The following B3GAT2 variants were observed in gnomAD, a reference collection of about 807,000 sequenced individuals.
B3GAT2 encodes beta-1,3-glucuronyltransferase 2.
B3GAT2 carries 26 observed loss-of-function variants against 27.8 expected under a neutral mutation model. That is an observed-to-expected ratio of 0.93 (90% confidence interval 0.68 to 1.30). The LOEUF is 1.30. Ranked by LOEUF, B3GAT2 falls within the 50% of genes most tolerant of loss-of-function variation. The pLI is 0.00. For synonymous variants in B3GAT2, 218 were observed against 195.1 expected, an observed-to-expected ratio of 1.12 and a Z score of -0.98; for missense variants, 458 against 459.0, an observed-to-expected ratio of 1.00 and a Z score of 0.02.
intron 2 of B3GAT2, among the ~76,000 whole-genome samples, chr6:70,869,347 A>G (rs893783246): frequency 3.3e-5 from 5 of 152,158 alleles, no homozygotes; most frequent in South Asian, 2.1e-4. Flanking sequence ...AAGTTTTCAA[A>G]TTGGGAAGTA....
chr6:70,921,359 T>TTGGTCTATTCTGATGTTAG (rs1455827773), intron 1 of B3GAT2, among the ~76,000 whole-genome samples: 1 of 152,256 alleles, frequency 6.6e-6, no homozygotes, highest in Non-Finnish European at 1.5e-5. Context: ...TTTCCTCAGC[T>TTGGTCTATTCTGATGTTAG]TGGTCTATTC....
intron 2 of B3GAT2, among the ~76,000 whole-genome samples, chr6:70,874,956 G>C (rs1771990174): frequency 6.6e-6 from 1 of 151,690 alleles, no homozygotes; most frequent in East Asian, 1.9e-4. Flanking sequence ...TGGAAATAGG[G>C]CAAATTGATA....
In B3GAT2 at chr6:70,860,449, A is replaced by G; in HGVS notation, c.*1214T>C. The G allele has an allele frequency of 8.1e-7, 1 of 1,237,778 alleles. No individual in the cohort carries two copies. The highest frequency in any genetic ancestry group is 1.1e-6 in the Non-Finnish European group (1 of 905,664). 76.7% of individuals were successfully genotyped at this position (1,237,778 alleles called of 1,614,324 possible). A position where few individuals can be genotyped will look rare whatever the true frequency, so the allele number is the denominator to read the frequency against. On this transcript the variant is annotated 3_prime_UTR_variant, in exon 4 of 4. Transcript: ENST00000230053. ...TTTTTCTTTTTACCCATTTGTTCAT[A>G]TTAAGAATGATCTGATTGACCGTGT...
chr6:70,912,617 G>T (rs979433631), intron 1 of B3GAT2, among the ~76,000 whole-genome samples: 8 of 151,216 alleles, frequency 5.3e-5, no homozygotes, highest in Non-Finnish European at 8.9e-5. Flanking sequence ...CCCAGTTTTC[G>T]TTATCAGGAT....
chr6:70,877,229 A>C (rs966061469), intron 2 of B3GAT2, among the ~76,000 whole-genome samples: 2 of 152,222 alleles, frequency 1.3e-5, no homozygotes, highest in African/African-American at 4.8e-5. Context: ...GGGGGTGTTC[A>C]GCACAGGTAC....
intron 1 of B3GAT2, among the ~76,000 whole-genome samples, chr6:70,905,099 TATC>T (rs531260620): frequency 1.1e-3 from 168 of 152,344 alleles, no homozygotes; most frequent in African/African-American, 3.4e-3. Context: ...TGTGTGAACT[TATC>T]ATAGCCAAAT....
At chr6:70,939,020 C>T (rs1765343084) in intron 1 of B3GAT2, among the ~76,000 whole-genome samples, 1 of 151,948 alleles carries the variant, frequency 6.6e-6, no homozygotes, top group South Asian at 2.1e-4. Flanking sequence ...GGCTAATATC[C>T]AGAATCTACA....
At chr6:70,866,732 A>C (rs1167818527) in intron 2 of B3GAT2, among the ~76,000 whole-genome samples, 1 of 152,196 alleles carries the variant, frequency 6.6e-6, no homozygotes, top group African/African-American at 2.4e-5. Flanking sequence ...CAGGGAAAAA[A>C]ATTTGAAGAA....
At chr6:70,904,648 T>C (rs749172644) in intron 1 of B3GAT2, among the ~76,000 whole-genome samples, 54 of 152,172 alleles carry the variant, frequency 3.5e-4, no homozygotes, top group Admixed American at 6.5e-5. Context: ...CAGAAGCTGG[T>C]CTGAAGGGTT....
At chr6:70,906,544 T>C (rs895817485) in intron 1 of B3GAT2, among the ~76,000 whole-genome samples, 6 of 152,048 alleles carry the variant, frequency 3.9e-5, no homozygotes, top group African/African-American at 1.4e-4. Context: ...TTTACTAGAT[T>C]TCCCAGGCTG....
rs769236284 is a variant in B3GAT2, at chr6:70,858,066, GCATGCC to G, written c.*3591_*3596del. On this transcript the variant is annotated 3_prime_UTR_variant, in exon 4 of 4. Transcript: ENST00000230053. ...GGACAGAGTCCAAGCATGATGGTGGGCATGCCCATGCCCAATGGGTTTATGGGAAAT... is the reference window on the plus strand; with the variant it reads ...GGACAGAGTCCAAGCATGATGGTGGGCATGCCCAATGGGTTTATGGGAAAT... 1.8e-5 allele frequency: 29 copies of G among 1,613,934 alleles called. No individual in the cohort carries two copies. The highest frequency in any genetic ancestry group is 1.1e-5 in the South Asian group (1 of 91,092).
At chr6:70,877,455 T>C (rs534492109) in intron 2 of B3GAT2, among the ~76,000 whole-genome samples, 1 of 152,336 alleles carries the variant, frequency 6.6e-6, no homozygotes, top group East Asian at 1.9e-4. Context: ...ACATTTCCTG[T>C]AGGCTCTCTT....
At chr6:70,927,972 T>C (rs1772992149) in intron 1 of B3GAT2, among the ~76,000 whole-genome samples, 1 of 152,078 alleles carries the variant, frequency 6.6e-6, no homozygotes, top group Non-Finnish European at 1.5e-5. Flanking sequence ...AGAACAGAAA[T>C]CACAACAAAC....
chr6:70,945,130 G>A (rs1765457969), intron 1 of B3GAT2, among the ~76,000 whole-genome samples: 1 of 152,090 alleles, frequency 6.6e-6, no homozygotes, highest in Non-Finnish European at 1.5e-5. Context: ...GGAAAAAACA[G>A]AGCAGAAAAA....
intron 2 of B3GAT2, among the ~76,000 whole-genome samples, chr6:70,862,619 T>C (rs1771777701): frequency 6.6e-6 from 1 of 152,228 alleles, no homozygotes; most frequent in Admixed American, 6.5e-5. Flanking sequence ...AGTTTTTTTT[T>C]GGTATTTCAT....
chr6:70,861,766 T>C lies in B3GAT2; in HGVS notation c.886-17A>G, dbSNP rs1463256530. 6.2e-7 allele frequency: 1 copy of C among 1,614,044 alleles called. No homozygotes were observed. Among genetic ancestry groups the C allele is most frequent in the Admixed American group, 1.7e-5 (1 of 60,006 alleles). On this transcript the variant is annotated splice_polypyrimidine_tract_variant and intron_variant, in intron 3 of 3. Transcript: ENST00000230053. ...CACGAGAACCTGAAGGGGAAGGAAATAGCTTGGGTAGCGCACTCTTCATGG... is the reference window on the plus strand; with the variant it reads ...CACGAGAACCTGAAGGGGAAGGAAACAGCTTGGGTAGCGCACTCTTCATGG...
At chr6:70,895,199 C>A (rs1018875464) in intron 1 of B3GAT2, among the ~76,000 whole-genome samples, 2 of 152,186 alleles carry the variant, frequency 1.3e-5, no homozygotes, top group African/African-American at 4.8e-5. Context: ...GAGGTATAAC[C>A]TGCACAACTG....
chr6:70,946,801 C>T (rs919623786), intron 1 of B3GAT2, among the ~76,000 whole-genome samples: 2 of 151,388 alleles, frequency 1.3e-5, no homozygotes, highest in Admixed American at 6.6e-5. Context: ...CCACACCACA[C>T]CTATTCCAAA....
At chr6:70,924,718 T>C (rs369807413) in intron 1 of B3GAT2, among the ~76,000 whole-genome samples, 5 of 152,188 alleles carry the variant, frequency 3.3e-5, no homozygotes, top group Non-Finnish European at 7.3e-5. Context: ...ATTCCTGGGA[T>C]TGGGTCAAGC....
Sources: gnomAD v4.1 joint callset for allele counts (sites outside exome capture counted in the v4.1 genomes callset) on GRCh38, gnomAD v4.1.1 for gene constraint, MANE v1.5 for transcripts, NCBI Gene and HGNC (gene_info 2026-07-23, HGNC 2026-07-21) for gene names.